The following DNER variants were observed in gnomAD, a reference collection of about 807,000 sequenced individuals.
DNER encodes the protein delta/notch like EGF repeat containing, also known as delta and Notch-like epidermal growth factor-related receptor.
In DNER, 33 loss-of-function variants were observed where a neutral mutation model predicts 78.2. The observed-to-expected ratio is 0.42, with a 90% CI of 0.32 to 0.56. DNER has a LOEUF of 0.56. DNER is among the 20% of genes least tolerant of loss of function. DNER has a pLI of 0.11. For synonymous variants in DNER, 417 were observed against 384.8 expected (o/e 1.08, Z -0.98); for missense variants, 918 against 975.3 (o/e 0.94, Z 0.78).
intron 7 of DNER, among the ~76,000 whole-genome samples, chr2:229,468,542 C>T (rs1053906525): frequency 1.3e-5 from 2 of 152,128 alleles, no homozygotes; most frequent in Non-Finnish European, 2.9e-5. Context: ...TCACTTTGAC[C>T]CCCTATGATT....
intron 10 of DNER, among the ~76,000 whole-genome samples, chr2:229,396,133 G>T (rs73098300): frequency 0.019 from 2,905 of 152,186 alleles, 87 homozygotes; most frequent in African/African-American, 0.066. Flanking sequence ...AAATCTATAA[G>T]ATCTGCTTCT....
At chr2:229,540,374 A>G (rs1696488204) in intron 5 of DNER, among the ~76,000 whole-genome samples, 1 of 152,128 alleles carries the variant, frequency 6.6e-6, no homozygotes, top group Non-Finnish European at 1.5e-5. Flanking sequence ...TACATCAGCT[A>G]TGGTGTGTGT....
chr2:229,646,330 C>T (rs535414271), intron 1 of DNER, among the ~76,000 whole-genome samples: 4 of 152,130 alleles, frequency 2.6e-5, no homozygotes, highest in Non-Finnish European at 4.4e-5. Flanking sequence ...CGCCAAAAAA[C>T]GATTTGGAAA....
At chr2:229,397,431 G>A (rs1250177716) in intron 10 of DNER, among the ~76,000 whole-genome samples, 1 of 130,836 alleles carries the variant, frequency 7.6e-6, no homozygotes, top group Non-Finnish European at 1.6e-5. Flanking sequence ...AAAAATTATA[G>A]CTAATAACTG....
chr2:229,672,365 C>T (rs1699224568), intron 1 of DNER, among the ~76,000 whole-genome samples: 1 of 151,368 alleles, frequency 6.6e-6, no homozygotes, highest in African/African-American at 2.4e-5. Flanking sequence ...GATGGAAGCT[C>T]AGGGCTCCAA....
rs1692142663 is a variant in DNER at position 229,358,625 on chromosome 2, A to T, written c.2129T>A (p.Met710Lys). Residue 710 changes from methionine (M) to lysine (K), a missense_variant, in exon 13 of 13, where the codon ATG (methionine) becomes AAG (lysine). Met to Lys is a moderately conservative substitution (Grantham distance 95). Coordinates refer to ENST00000341772, the MANE Select transcript of DNER (RefSeq NM_139072.4). Reference sequence around the variant, plus strand: ...ATAGGCGATGGGGCTCACATCATACATTGCAGGCCGGGATTTCTTTCCAAA... The same window carrying T: ...ATAGGCGATGGGGCTCACATCATACTTTGCAGGCCGGGATTTCTTTCCAAA... ...ARFGKKSRPA[M>K]YDVSPIAYED... 4 of 1,613,860 alleles carry T rather than the reference A, an allele frequency of 2.5e-6. No individual in the cohort carries two copies. The highest frequency in any genetic ancestry group is 3.4e-6 in the Non-Finnish European group (4 of 1,179,940).
intron 1 of DNER, among the ~76,000 whole-genome samples, chr2:229,636,159 G>A (rs952563598): frequency 2.6e-5 from 4 of 152,086 alleles, no homozygotes; most frequent in East Asian, 1.9e-4. Context: ...CCAGCATATC[G>A]TACTCAGCGT....
chr2:229,445,681 G>A (rs1315918198), intron 8 of DNER, among the ~76,000 whole-genome samples: 4 of 152,168 alleles, frequency 2.6e-5, no homozygotes, highest in Non-Finnish European at 5.9e-5. Context: ...CAGAAACCTC[G>A]CCTGAGTTTC....
At chr2:229,558,289 T>C (rs954018101) in intron 4 of DNER, among the ~76,000 whole-genome samples, 1 of 152,100 alleles carries the variant, frequency 6.6e-6, no homozygotes, top group Non-Finnish European at 1.5e-5. Flanking sequence ...CAAGGCTTCA[T>C]ACCTGGGTGA....
At chr2:229,546,547 C>A (rs1395164847) in intron 5 of DNER, among the ~76,000 whole-genome samples, 1 of 152,158 alleles carries the variant, frequency 6.6e-6, no homozygotes, top group African/African-American at 2.4e-5. Context: ...ACCAGCCTGG[C>A]CAACATGGCA....
In DNER at chr2:229,591,844, G is replaced by A; in HGVS notation, c.321C>T (p.Asn107=). The A allele has an allele frequency of 6.2e-7, 1 of 1,610,336 alleles. No individual in the cohort carries two copies. Among genetic ancestry groups the A allele is most frequent in the Non-Finnish European group, 8.5e-7 (1 of 1,178,010 alleles). The change falls in exon 2 of 13, where the codon AAC becomes AAT. Residue 107 remains asparagine (N), a synonymous_variant. Transcript: ENST00000341772. This position sits in a 1 kb window ranked among gnomAD's most constrained non-coding sequence, Gnocchi z 4.6. ...PCASNPCHHG[N]CSSSSSSSSD... ...TGCTGCTGCTGCTGCTGCTGCTGCA[G>A]TTGCCATGGTGACAAGGGTTGCTGG... is the stretch of plus-strand genomic sequence containing the variant.
intron 1 of DNER, among the ~76,000 whole-genome samples, chr2:229,624,817 G>A (rs1698309179): frequency 6.6e-6 from 1 of 152,140 alleles, no homozygotes; most frequent in Non-Finnish European, 1.5e-5. Context: ...CTTTGTATTT[G>A]TGTACATTTC....
At chr2:229,547,180 A>C in intron 4 of DNER, 88 bp from the exon 5 acceptor site, 8 of 1,532,880 alleles carry the variant, frequency 5.2e-6, no homozygotes, top group Non-Finnish European at 6.1e-6. Flanking sequence ...CCTTTCTACA[A>C]GACTATGAAT....
chr2:229,569,519 C>T (rs1697177389), intron 4 of DNER, among the ~76,000 whole-genome samples: 1 of 151,826 alleles, frequency 6.6e-6, no homozygotes, highest in African/African-American at 2.4e-5. Flanking sequence ...AAGACTCCAT[C>T]TCAAAAAAAT....
intron 6 of DNER, among the ~76,000 whole-genome samples, chr2:229,499,567 T>C: frequency 6.6e-6 from 1 of 151,440 alleles, no homozygotes; most frequent in East Asian, 1.9e-4. Flanking sequence ...TCACATCATA[T>C]GCAAAACATC....
chr2:229,589,619 T>A (rs747688265), intron 2 of DNER, among the ~76,000 whole-genome samples: 5 of 152,202 alleles, frequency 3.3e-5, no homozygotes, highest in Non-Finnish European at 7.3e-5. Context: ...ATGAGGCATT[T>A]CCTTTTTTTC....
chr2:229,432,614 C>T (rs527424057), intron 8 of DNER, among the ~76,000 whole-genome samples: 1 of 152,260 alleles, frequency 6.6e-6, no homozygotes, highest in South Asian at 2.1e-4. Flanking sequence ...GGTATCCGCA[C>T]TCATCACACT....
At chr2:229,462,362 A>T (rs1190036354) in intron 7 of DNER, among the ~76,000 whole-genome samples, 1 of 152,136 alleles carries the variant, frequency 6.6e-6, no homozygotes, top group East Asian at 1.9e-4. Context: ...AAGACAATTC[A>T]CATCAAAGAA....
chr2:229,663,666 T>C (rs1699044366), intron 1 of DNER, among the ~76,000 whole-genome samples: 1 of 152,222 alleles, frequency 6.6e-6, no homozygotes, highest in African/African-American at 2.4e-5. Flanking sequence ...CCTTACATTG[T>C]TATCCAGCAT....
Sources: allele counts gnomAD v4.1 joint callset (sites outside exome capture counted in the v4.1 genomes callset), GRCh38; gene constraint gnomAD v4.1.1; non-coding constraint Gnocchi (gnomAD v3.1); transcripts MANE v1.5; gene names NCBI Gene and HGNC (gene_info 2026-07-23, HGNC 2026-07-21).